The following ZNF618 variants were observed in gnomAD, a reference collection of about 807,000 sequenced individuals.
The protein encoded by ZNF618 is neural precursor cell expressed, developmentally down-regulated 10.
ZNF618 carries 34 observed loss-of-function variants against 103.0 expected under a neutral mutation model. That is an observed-to-expected ratio of 0.33 (90% CI 0.25 to 0.44). The LOEUF is 0.44. ZNF618 is among the 20% of genes least tolerant of loss of function. The probability of loss-of-function intolerance (pLI) is 1.00; values close to 1 mark genes in which losing one functional copy is unlikely to be tolerated. For synonymous variants in ZNF618, 551 were observed against 542.2 expected (o/e 1.02, Z -0.23); for missense variants, 1,059 against 1,295.4 (o/e 0.82, Z 2.80).
intron 3 of ZNF618, among the ~76,000 whole-genome samples, chr9:113,994,676 T>C (rs1210717515): frequency 6.6e-6 from 1 of 152,176 alleles, no homozygotes; most frequent in Non-Finnish European, 1.5e-5. Flanking sequence ...TGGAAGTGTT[T>C]TTAACGGGAC....
chr9:114,012,962 T>C (rs1842378845), intron 9 of ZNF618, among the ~76,000 whole-genome samples: 1 of 151,168 alleles, frequency 6.6e-6, no homozygotes, highest in African/African-American at 2.4e-5. Flanking sequence ...TGTACCTACA[T>C]AGATCTCAGT....
intron 1 of ZNF618, among the ~76,000 whole-genome samples, chr9:113,967,548 G>C (rs1221585742): frequency 6.6e-6 from 1 of 152,120 alleles, no homozygotes; most frequent in Non-Finnish European, 1.5e-5. Flanking sequence ...GAAGTAAAAT[G>C]CTCCAGAACT....
intron 2 of ZNF618, among the ~76,000 whole-genome samples, chr9:113,981,002 G>A (rs7034528): frequency 0.57 from 86,025 of 152,078 alleles, 24,641 homozygotes; most frequent in Middle Eastern, 0.77. Flanking sequence ...CACTCATATA[G>A]TCAGTGAGTG....
At chr9:113,888,512 G>C (rs1379490211) in intron 1 of ZNF618, among the ~76,000 whole-genome samples, 3 of 152,262 alleles carry the variant, frequency 2.0e-5, no homozygotes, top group African/African-American at 4.8e-5. Flanking sequence ...GGGCCTCCCG[G>C]ATTCAGAATG....
At chr9:113,919,760 C>T (rs757419222) in intron 1 of ZNF618, among the ~76,000 whole-genome samples, 4 of 152,208 alleles carry the variant, frequency 2.6e-5, no homozygotes, top group Non-Finnish European at 5.9e-5. Context: ...GGAAGTGGGC[C>T]AGGCAAGGAG....
chr9:114,012,260 G>A (rs1466295955), intron 9 of ZNF618, among the ~76,000 whole-genome samples: 1 of 152,178 alleles, frequency 6.6e-6, no homozygotes, highest in African/African-American at 2.4e-5. Flanking sequence ...TCTGGAAGCT[G>A]GAAAGCCTGA....
intron 13 of ZNF618, among the ~76,000 whole-genome samples, chr9:114,042,680 A>G (rs1399115768): frequency 6.6e-6 from 1 of 152,186 alleles, no homozygotes; most frequent in Non-Finnish European, 1.5e-5. Flanking sequence ...AAAATTAAAA[A>G]TAAGCCATGC....
chr9:113,957,562 C>G (rs1836427460), intron 1 of ZNF618, among the ~76,000 whole-genome samples: 1 of 152,192 alleles, frequency 6.6e-6, no homozygotes, highest in African/African-American at 2.4e-5. Context: ...AAAGTTCCTC[C>G]TCCCTGGTGA....
chr9:113,970,527 C>G (rs1418007623), intron 2 of ZNF618, among the ~76,000 whole-genome samples: 1 of 152,026 alleles, frequency 6.6e-6, no homozygotes, highest in African/African-American at 2.4e-5. Context: ...GCTGAAGTAG[C>G]CATGGTGATA....
chr9:113,899,480 A>T (rs1830325532), intron 1 of ZNF618, among the ~76,000 whole-genome samples: 2 of 152,070 alleles, frequency 1.3e-5, no homozygotes, highest in African/African-American at 4.8e-5. Flanking sequence ...GATCAGCAAC[A>T]CCGTTAGATT....
At chr9:114,026,134 C>T (rs4979328) in intron 10 of ZNF618, among the ~76,000 whole-genome samples, 118,059 of 152,150 alleles carry the variant, frequency 0.78, 46,020 homozygotes, top group African/African-American at 0.85. Flanking sequence ...TTTTTAAGTA[C>T]AGTGTGTAGG....
chr9:113,890,079 C>A (rs1010981998), intron 1 of ZNF618, among the ~76,000 whole-genome samples: 2 of 152,200 alleles, frequency 1.3e-5, no homozygotes, highest in African/African-American at 4.8e-5. Flanking sequence ...TTCCTGACTA[C>A]CCTGTCTCTG....
At chr9:113,944,974 A>G (rs1418323430) in intron 1 of ZNF618, among the ~76,000 whole-genome samples, 1 of 152,186 alleles carries the variant, frequency 6.6e-6, no homozygotes, top group Non-Finnish European at 1.5e-5. Context: ...GATATGAAGC[A>G]GTGTGCAGGC....
rs577260128 is a variant in ZNF618, at chr9:114,054,215, T to A, written c.*4048T>A. ...TGCTTCCCCTGGACTTGAGCTGGAC[T>A]CCTTGAAGAGTGGGCTTCTGGAGAG... On this transcript the variant is annotated 3_prime_UTR_variant, in exon 15 of 15. Transcript: ENST00000374126. The A allele has an allele frequency of 2.6e-5, 4 of 152,688 alleles. No individual in the cohort carries two copies. In the East Asian group the frequency reaches 7.7e-4, roughly 29 times the overall value. 9.5% of individuals were successfully genotyped at this position (152,688 alleles called of 1,614,324 possible).
intron 1 of ZNF618, among the ~76,000 whole-genome samples, chr9:113,948,335 C>T (rs1014489849): frequency 2.6e-5 from 4 of 152,176 alleles, no homozygotes; most frequent in Non-Finnish European, 5.9e-5. Flanking sequence ...AGTCAGAAGG[C>T]GGAATAGGGC....
chr9:113,980,665 G>T (rs1364233801), intron 2 of ZNF618, among the ~76,000 whole-genome samples: 1 of 152,160 alleles, frequency 6.6e-6, no homozygotes, highest in Non-Finnish European at 1.5e-5. Flanking sequence ...TGATCCTTGG[G>T]GCATATCAAG....
intron 1 of ZNF618, among the ~76,000 whole-genome samples, chr9:113,887,652 T>TA (rs1467698959): frequency 3.3e-5 from 5 of 152,100 alleles, no homozygotes; most frequent in Non-Finnish European, 7.4e-5. Flanking sequence ...GGCATCCTTT[T>TA]ATAGTGGGCA....
chr9:113,991,815 A>C (rs963361154), intron 3 of ZNF618, among the ~76,000 whole-genome samples: 1 of 152,144 alleles, frequency 6.6e-6, no homozygotes, highest in African/African-American at 2.4e-5. Flanking sequence ...GGATCTTGTA[A>C]TCTGCTTTGG....
chr9:113,884,260 C>T (rs1432704088), intron 1 of ZNF618, among the ~76,000 whole-genome samples: 1 of 152,162 alleles, frequency 6.6e-6, no homozygotes, highest in African/African-American at 2.4e-5. Context: ...ATGAGCAGAG[C>T]ATAGTCGGAG....
Sources: allele counts gnomAD v4.1 joint callset (sites outside exome capture counted in the v4.1 genomes callset), GRCh38; gene constraint gnomAD v4.1.1; transcripts MANE v1.5; gene names NCBI Gene and HGNC (gene_info 2026-07-23, HGNC 2026-07-21).